The following SUSD5 variants were observed in gnomAD, a reference collection of about 807,000 sequenced individuals.
SUSD5 encodes sushi domain containing 5.
Under a neutral mutation model 29.5 loss-of-function variants are expected in SUSD5, and 33 were observed. The observed-to-expected ratio is 1.12, with a 90% confidence interval of 0.85 to 1.49. The LOEUF is 1.49. SUSD5 is among the 40% of genes most tolerant of loss of function. The pLI is 0.00. For synonymous variants in SUSD5, 308 were observed against 325.3 expected (o/e 0.95, Z 0.57); for missense variants, 776 against 800.6 (o/e 0.97, Z 0.37).
At chr3:33,166,945 G>A (rs993732337) in intron 4 of SUSD5, among the ~76,000 whole-genome samples, 5 of 152,080 alleles carry the variant, frequency 3.3e-5, no homozygotes, top group East Asian at 1.9e-4. Flanking sequence ...TTGGGAGGCC[G>A]AGGCAAGTGG....
chr3:33,197,394 C>T (rs962553563), intron 3 of SUSD5, among the ~76,000 whole-genome samples: 1 of 152,144 alleles, frequency 6.6e-6, no homozygotes, highest in Non-Finnish European at 1.5e-5. Context: ...GGGAAAAACA[C>T]AATTTTGGAG....
chr3:33,169,188 A>G (rs1489674239), intron 4 of SUSD5, among the ~76,000 whole-genome samples: 5 of 152,212 alleles, frequency 3.3e-5, no homozygotes, highest in Non-Finnish European at 7.4e-5. Context: ...TGGTGGTTTC[A>G]TGAGTGTATA....
intron 3 of SUSD5, among the ~76,000 whole-genome samples, chr3:33,177,218 C>T (rs539042064): frequency 6.6e-6 from 1 of 152,318 alleles, no homozygotes; most frequent in Admixed American, 6.5e-5. Flanking sequence ...GCTTAGCATT[C>T]CAACAATGGA....
chr3:33,159,622 C>T (rs1311901103), intron 4 of SUSD5, among the ~76,000 whole-genome samples: 2 of 152,088 alleles, frequency 1.3e-5, no homozygotes, highest in Non-Finnish European at 2.9e-5. Flanking sequence ...TTGAAAATAT[C>T]TAAGTGTTCC....
At chr3:33,176,252 G>GTACA (rs2031550024) in intron 3 of SUSD5, among the ~76,000 whole-genome samples, 1 of 152,162 alleles carries the variant, frequency 6.6e-6, no homozygotes. Context: ...ACCTACTGAA[G>GTACA]TACATCTTGG....
At chr3:33,165,788 T>G (rs1419060574) in intron 4 of SUSD5, among the ~76,000 whole-genome samples, 1 of 152,150 alleles carries the variant, frequency 6.6e-6, no homozygotes, top group African/African-American at 2.4e-5. Context: ...AAGATGTCAT[T>G]CAATTTTATA....
rs1256250911 is a variant in SUSD5, at chr3:33,150,282, TC to T, written c.*2459del. The stretch of plus-strand genomic sequence containing the variant: ...CTGATGTGTTGGGTTTATTTCACAG[TC>T]CATGTCTACAAATAAAACATTTACC... On this transcript the variant is annotated 3_prime_UTR_variant, in exon 5 of 5. Transcript: ENST00000309558. The T allele has an allele frequency of 6.6e-6, 1 of 152,160 alleles. No individual in the cohort carries two copies. Among genetic ancestry groups the T allele is most frequent in the Admixed American group, 6.5e-5 (1 of 15,278 alleles). 9.4% of individuals were successfully genotyped at this position (152,160 alleles called of 1,614,324 possible). A position where few individuals can be genotyped will look rare whatever the true frequency, so the allele number is the denominator to read the frequency against.
At chr3:33,181,192 T>A (rs1168474387) in intron 3 of SUSD5, among the ~76,000 whole-genome samples, 1 of 152,054 alleles carries the variant, frequency 6.6e-6, no homozygotes, top group East Asian at 1.9e-4. Flanking sequence ...ATAAATTTAG[T>A]GTAGTCTAAG....
At chr3:33,210,051 T>G (rs557782367) in intron 2 of SUSD5, among the ~76,000 whole-genome samples, 2 of 152,370 alleles carry the variant, frequency 1.3e-5, no homozygotes, top group East Asian at 3.8e-4. Context: ...TGAATTTTAT[T>G]CTACTTGCCT....
chr3:33,203,421 G>T (rs2032156501), intron 3 of SUSD5, among the ~76,000 whole-genome samples: 1 of 152,162 alleles, frequency 6.6e-6, no homozygotes, highest in African/African-American at 2.4e-5. Context: ...ATTAGGCCCT[G>T]CAGGGCCAAG....
rs1459979913 is a variant in SUSD5, at chr3:33,150,604, A to G, written c.*2138T>C. On this transcript the variant is annotated 3_prime_UTR_variant, in exon 5 of 5. Coordinates refer to ENST00000309558, the MANE Select transcript of SUSD5 (RefSeq NM_015551.2). The stretch of plus-strand genomic sequence containing the variant: ...TACATGCAGAAAGCATTTTATTCCT[A>G]TTGTTCTTGACTTCGTCTGATGCAC... The G allele has an allele frequency of 6.6e-6, 1 of 152,118 alleles. No individual in the cohort carries two copies. Among genetic ancestry groups the G allele is most frequent in the Non-Finnish European group, 1.5e-5 (1 of 68,022 alleles). The allele number at this position is 152,118 out of a possible 1,614,324, so 9.4% of individuals were successfully genotyped here. A position where few individuals can be genotyped will look rare whatever the true frequency, so the allele number is the denominator to read the frequency against.
intron 4 of SUSD5, among the ~76,000 whole-genome samples, chr3:33,163,139 A>C (rs1187178506): frequency 6.6e-6 from 1 of 152,132 alleles, no homozygotes; most frequent in Non-Finnish European, 1.5e-5. Flanking sequence ...ATCTTATACA[A>C]ACTCTTCCAG....
intron 4 of SUSD5, chr3:33,168,565 G>T: frequency 1.0e-6 from 1 of 985,488 alleles, no homozygotes; most frequent in South Asian, 4.7e-5. Flanking sequence ...CTGCCCCGAG[G>T]CCTCGTTCTC....
At chr3:33,185,950 TA>T (rs11431922) in intron 3 of SUSD5, among the ~76,000 whole-genome samples, 1 of 151,856 alleles carries the variant, frequency 6.6e-6, no homozygotes, top group Non-Finnish European at 1.5e-5. Flanking sequence ...ATGTTACAAT[TA>T]AAAAAAATTC....
At position 33,152,782 on chromosome 3, in the gene SUSD5, G is replaced by T; in HGVS notation, c.1850C>A (p.Ala617Asp). 6.2e-7 allele frequency: 1 copy of T among 1,613,584 alleles called. No individual in the cohort carries two copies. The highest frequency in any genetic ancestry group is 8.5e-7 in the Non-Finnish European group (1 of 1,179,646). The part of the protein sequence containing the change: ...VYKLNVGQRQ[A>D]RHYHQQIEME... ...CTCGATCTGCTGGTGGTAGTGCCGA[G>T]CCTGCCGCTGGCCAACATTCAGCTT... Residue 617 changes from alanine to aspartate, a missense_variant, in exon 5 of 5, where the codon GCT becomes GAT. Coordinates refer to ENST00000309558, the MANE Select transcript of SUSD5 (RefSeq NM_015551.2).
Position 33,204,523 on chromosome 3 carries a change from A to G in SUSD5, c.409+3285T>C, listed in dbSNP as rs1467341985. Among the ~76,000 whole-genome samples the G allele has an allele frequency of 6.6e-6, 1 of 151,952 alleles. No individual in the cohort carries two copies. Among genetic ancestry groups the G allele is most frequent in the East Asian group, 1.9e-4 (1 of 5,190 alleles). ...TTTTTAGTAGAGACAGGGTTTCACC[A>G]TGTTAGCCAGGATGGTCTCGATCTC... On this transcript the variant is annotated intron_variant, in intron 3 of 4. Transcript: ENST00000309558. This position sits in a 1 kb window ranked among gnomAD's most constrained non-coding sequence, Gnocchi z 4.5.
intron 4 of SUSD5, among the ~76,000 whole-genome samples, chr3:33,156,162 T>C (rs897883645): frequency 6.6e-6 from 1 of 151,872 alleles, no homozygotes; most frequent in African/African-American, 2.4e-5. Context: ...TGCCTCGGCC[T>C]CCTGAGTAGC....
intron 4 of SUSD5, among the ~76,000 whole-genome samples, chr3:33,155,895 G>T (rs1037715161): frequency 3.3e-5 from 5 of 152,056 alleles, no homozygotes; most frequent in Non-Finnish European, 7.4e-5. Context: ...GTGATGACTG[G>T]GTATGGTACA....
chr3:33,198,161 T>C (rs918088328), intron 3 of SUSD5, among the ~76,000 whole-genome samples: 5 of 152,228 alleles, frequency 3.3e-5, no homozygotes, highest in African/African-American at 9.6e-5. Flanking sequence ...AGTTATGTGG[T>C]GCTAGATACT....
Sources: gnomAD v4.1 joint callset for allele counts (sites outside exome capture counted in the v4.1 genomes callset) on GRCh38, gnomAD v4.1.1 for gene constraint, Gnocchi (gnomAD v3.1) non-coding constraint, MANE v1.5 for transcripts, NCBI Gene and HGNC (gene_info 2026-07-23, HGNC 2026-07-21) for gene names.